LRRC1: variants seen among roughly 807,000 people sequenced by gnomAD.
LRRC1 encodes the protein leucine rich repeat containing 1.
A neutral mutation model predicts 69.9 loss-of-function variants in LRRC1; 28 were observed. The ratio of observed to expected loss-of-function variants is 0.40; its 90% confidence interval spans 0.30 to 0.55. The LOEUF (loss-of-function observed/expected upper bound fraction) is 0.55. Among genes scored for constraint, LRRC1 ranks in the 20% least tolerant of loss-of-function variants. The pLI is 0.47. For synonymous variants in LRRC1, 236 were observed against 240.2 expected (o/e 0.98, Z 0.16); for missense variants, 498 against 609.0 (o/e 0.82, Z 1.92).
At chr6:53,815,315 C>T (rs372496438) in intron 1 of LRRC1, among the ~76,000 whole-genome samples, 7 of 152,142 alleles carry the variant, frequency 4.6e-5, no homozygotes, top group African/African-American at 1.7e-4. Context: ...AGCAAAGCTA[C>T]TTGTCATCTC....
At chr6:53,806,527 C>T (rs1004051065) in intron 1 of LRRC1, among the ~76,000 whole-genome samples, 14 of 152,088 alleles carry the variant, frequency 9.2e-5, no homozygotes, top group East Asian at 5.8e-4. Flanking sequence ...TGACCTTGGG[C>T]GGATCACATA....
At chr6:53,865,176 A>G (rs1766657865) in intron 2 of LRRC1, among the ~76,000 whole-genome samples, 1 of 152,138 alleles carries the variant, frequency 6.6e-6, no homozygotes, top group Non-Finnish European at 1.5e-5. Context: ...AGTAGAGGAC[A>G]GTGTTGTATG....
At chr6:53,839,272 T>C (rs182344683) in intron 1 of LRRC1, among the ~76,000 whole-genome samples, 12 of 152,262 alleles carry the variant, frequency 7.9e-5, no homozygotes, top group Admixed American at 2.6e-4. Flanking sequence ...ATTGCTCAAT[T>C]GCTTTCCAAG....
At chr6:53,812,561 G>T (rs1764823800) in intron 1 of LRRC1, among the ~76,000 whole-genome samples, 1 of 151,872 alleles carries the variant, frequency 6.6e-6, no homozygotes, top group African/African-American at 2.4e-5. Flanking sequence ...GTGGTGGCGG[G>T]CGCCTGTAGT....
At chr6:53,812,043 C>T (rs1207473438) in intron 1 of LRRC1, among the ~76,000 whole-genome samples, 1 of 152,226 alleles carries the variant, frequency 6.6e-6, no homozygotes, top group Non-Finnish European at 1.5e-5. Context: ...ATTGCATGCA[C>T]AGGCAGGGGC....
intron 10 of LRRC1, among the ~76,000 whole-genome samples, chr6:53,906,295 C>G (rs147664351): frequency 2.6e-5 from 4 of 152,312 alleles, no homozygotes; most frequent in African/African-American, 9.6e-5. Context: ...GCAGGCTCAG[C>G]CCAACCTTTC....
intron 1 of LRRC1, among the ~76,000 whole-genome samples, chr6:53,824,585 T>C (rs1420074072): frequency 6.6e-6 from 1 of 152,218 alleles, no homozygotes; most frequent in African/African-American, 2.4e-5. Context: ...ACAATGGTAT[T>C]GCCAAGGTTG....
At chr6:53,872,239 A>G (rs918426798) in intron 2 of LRRC1, among the ~76,000 whole-genome samples, 2 of 151,982 alleles carry the variant, frequency 1.3e-5, no homozygotes, top group South Asian at 2.1e-4. Context: ...GCTGTAAATG[A>G]GTGGATTTAT....
At chr6:53,867,939 C>A (rs147681198) in intron 2 of LRRC1, among the ~76,000 whole-genome samples, 1 of 147,354 alleles carries the variant, frequency 6.8e-6, no homozygotes, top group East Asian at 2.0e-4. Flanking sequence ...GGCAACAAAA[C>A]GAGACCCTGT....
rs551405787 is a variant in LRRC1, at chr6:53,809,270, T to A, written c.159+13855T>A. 1.6e-4 allele frequency among the ~76,000 whole-genome samples: 24 copies of A among 152,360 alleles called. No individual in the cohort carries two copies. The South Asian group carries it at 3.7e-3, about 24-fold the overall frequency. ...ATGTGCTTTCTGGAACTATACATAT[T>A]TCAGTACTGTTATAAATGGATGCTA... On this transcript the variant is annotated intron_variant, in intron 1 of 13. Transcript: ENST00000370888.
intron 1 of LRRC1, among the ~76,000 whole-genome samples, chr6:53,833,901 G>A (rs1052195447): frequency 6.6e-6 from 1 of 152,148 alleles, no homozygotes; most frequent in African/African-American, 2.4e-5. Flanking sequence ...TTGTCAATCA[G>A]TATTTCAAAT....
At chr6:53,828,188 A>T (rs1441459107) in intron 1 of LRRC1, among the ~76,000 whole-genome samples, 1 of 142,862 alleles carries the variant, frequency 7.0e-6, no homozygotes, top group African/African-American at 2.5e-5. Flanking sequence ...AAAAAAAAGA[A>T]ACATGGGTAA....
intron 2 of LRRC1, among the ~76,000 whole-genome samples, chr6:53,850,479 G>A (rs1390395192): frequency 6.6e-6 from 1 of 152,148 alleles, no homozygotes; most frequent in Non-Finnish European, 1.5e-5. Context: ...ATATCTGAGT[G>A]CTTCTCTGTG....
chr6:53,868,068 T>C (rs1393579013), intron 2 of LRRC1, among the ~76,000 whole-genome samples: 2 of 152,156 alleles, frequency 1.3e-5, no homozygotes, highest in Non-Finnish European at 1.5e-5. Context: ...ATCTCATTAG[T>C]AGTACTAAGT....
intron 1 of LRRC1, among the ~76,000 whole-genome samples, chr6:53,806,526 G>A (rs1764640556): frequency 6.6e-6 from 1 of 152,084 alleles, no homozygotes; most frequent in African/African-American, 2.4e-5. Flanking sequence ...GTGACCTTGG[G>A]CGGATCACAT....
intron 11 of LRRC1, 138 bp from the exon 12 acceptor site, chr6:53,919,360 C>G (rs1489399909): frequency 1.6e-6 from 1 of 609,720 alleles, no homozygotes; most frequent in Non-Finnish European, 2.5e-6. Context: ...GTCTTAAAAA[C>G]ATAACACCGT....
rs878902367 is a variant in LRRC1, at chr6:53,900,034, T to G, written c.787+143T>G. The G allele has an allele frequency of 9.0e-3, 4,487 of 497,192 alleles. 54 individuals are homozygous for G. Among genetic ancestry groups the G allele is most frequent in the South Asian group, 0.02 (517 of 26,348 alleles). 30.8% of individuals were successfully genotyped at this position (497,192 alleles called of 1,614,324 possible). ...GTCTCCTTACTGTTTTTTTTTTTTT[T>G]TTTTTTTTTTTTTTTTTTTCTGAGA... On this transcript the variant is annotated intron_variant, in intron 8 of 13. Transcript: ENST00000370888.
chr6:53,895,451 T>C (rs1262481873), intron 4 of LRRC1, among the ~76,000 whole-genome samples: 2 of 152,200 alleles, frequency 1.3e-5, no homozygotes, highest in Non-Finnish European at 2.9e-5. Context: ...CTGGCTTTTT[T>C]GTTGGAAGGA....
chr6:53,876,535 T>C (rs1390402923), intron 2 of LRRC1, among the ~76,000 whole-genome samples: 2 of 152,216 alleles, frequency 1.3e-5, no homozygotes, highest in Non-Finnish European at 2.9e-5. Context: ...TCTATGAGCC[T>C]GTAAAATCAA....
Sources: allele counts gnomAD v4.1 joint callset (sites outside exome capture counted in the v4.1 genomes callset), GRCh38; gene constraint gnomAD v4.1.1; transcripts MANE v1.5; gene names NCBI Gene and HGNC (gene_info 2026-07-23, HGNC 2026-07-21).